SHB: variants seen among roughly 807,000 people sequenced by gnomAD.
SHB encodes SH2 domain-containing adapter protein B.
Under a neutral mutation model 52.3 loss-of-function variants are expected in SHB, and 20 were observed. The observed-to-expected ratio is 0.38, with a 90% CI of 0.27 to 0.56. SHB has a LOEUF of 0.56. SHB is among the 20% of genes least tolerant of loss of function. SHB has a pLI of 0.71. For synonymous variants in SHB, 397 were observed against 316.5 expected (o/e 1.25, Z -2.70); for missense variants, 825 against 723.3 (o/e 1.14, Z -1.61).
At chr9:38,045,433 C>T (rs547009869) in intron 1 of SHB, among the ~76,000 whole-genome samples, 1 of 151,602 alleles carries the variant, frequency 6.6e-6, no homozygotes, top group Non-Finnish European at 1.5e-5. Flanking sequence ...AGACCCCCCC[C>T]ACCCCCAAGT....
chr9:38,021,844 T>C (rs1821285672), intron 1 of SHB, among the ~76,000 whole-genome samples: 1 of 151,964 alleles, frequency 6.6e-6, no homozygotes, highest in East Asian at 1.9e-4. Flanking sequence ...GAATAATGAG[T>C]GTTGAATTAT....
At chr9:38,020,378 A>C (rs1429358681) in intron 1 of SHB, among the ~76,000 whole-genome samples, 1 of 152,214 alleles carries the variant, frequency 6.6e-6, no homozygotes, top group Non-Finnish European at 1.5e-5. Context: ...CTTATCAGGA[A>C]AGCTTGGGAA....
chr9:37,956,141 C>A, intron 3 of SHB, 87 bp from the exon 4 acceptor site: 2 of 1,261,290 alleles, frequency 1.6e-6, no homozygotes, highest in South Asian at 1.4e-5. Flanking sequence ...TTCAGCTGGT[C>A]TAGTTGGCAA....
chr9:37,939,758 C>T (rs115097302), intron 5 of SHB, among the ~76,000 whole-genome samples: 353 of 152,312 alleles, frequency 2.3e-3, no homozygotes, highest in African/African-American at 8.2e-3. Flanking sequence ...GTTGCAATCT[C>T]ATCTCTTTAC....
At chr9:38,023,749 A>ACTTC (rs1471478220) in intron 1 of SHB, among the ~76,000 whole-genome samples, 7 of 152,116 alleles carry the variant, frequency 4.6e-5, no homozygotes, top group African/African-American at 1.7e-4. Flanking sequence ...CTCTCGAGGC[A>ACTTC]CTTCCGCCTG....
intron 1 of SHB, 124 bp downstream of exon 1, chr9:38,067,805 G>A (rs1176520119): frequency 9.0e-6 from 10 of 1,105,624 alleles, no homozygotes; most frequent in Non-Finnish European, 9.6e-6. Flanking sequence ...CAGCACGCCA[G>A]CCCCGACCCA....
chr9:37,977,393 AAGAG>A (rs747915372), intron 2 of SHB, among the ~76,000 whole-genome samples: 1 of 152,168 alleles, frequency 6.6e-6, no homozygotes, highest in African/African-American at 2.4e-5. Context: ...TCTCCCTGGA[AAGAG>A]AGAGAATAAG....
At chr9:37,976,068 C>A (rs899514194) in intron 2 of SHB, among the ~76,000 whole-genome samples, 4 of 152,158 alleles carry the variant, frequency 2.6e-5, no homozygotes, top group African/African-American at 7.2e-5. Context: ...TGGAGTCTTA[C>A]TCTGTTACCC....
chr9:37,996,045 A>G (rs772640740), intron 2 of SHB, among the ~76,000 whole-genome samples: 9 of 152,226 alleles, frequency 5.9e-5, no homozygotes, highest in Non-Finnish European at 1.2e-4. Flanking sequence ...GAAATGTACC[A>G]GGGTGCTTTG....
chr9:37,997,153 T>C (rs1027401230), intron 2 of SHB, among the ~76,000 whole-genome samples: 1 of 152,324 alleles, frequency 6.6e-6, no homozygotes. Context: ...ATCGAACATC[T>C]TGGCAGCCAC....
intron 5 of SHB, among the ~76,000 whole-genome samples, chr9:37,932,761 G>A (rs1832328405): frequency 6.6e-6 from 1 of 152,150 alleles, no homozygotes; most frequent in Non-Finnish European, 1.5e-5. Flanking sequence ...CAACAGGGGT[G>A]TGCCACCATG....
chr9:37,932,082 G>C (rs965103852), intron 5 of SHB, among the ~76,000 whole-genome samples: 10 of 151,914 alleles, frequency 6.6e-5, no homozygotes, highest in Non-Finnish European at 1.5e-4. Context: ...AGGAGTTCGA[G>C]ACCAGCCTGG....
At chr9:37,922,560 C>T (rs970398893) in intron 5 of SHB, among the ~76,000 whole-genome samples, 13 of 152,174 alleles carry the variant, frequency 8.5e-5, no homozygotes, top group Non-Finnish European at 1.6e-4. Flanking sequence ...ACTCCTATCT[C>T]GCCTGTGTAA....
At chr9:38,030,373 A>G (rs1038588526) in intron 1 of SHB, among the ~76,000 whole-genome samples, 1 of 152,178 alleles carries the variant, frequency 6.6e-6, no homozygotes, top group African/African-American at 2.4e-5. Context: ...CCAGGTATAT[A>G]AGAGGCCTCA....
chr9:37,922,765 T>C (rs747575576), intron 5 of SHB, among the ~76,000 whole-genome samples: 4 of 152,188 alleles, frequency 2.6e-5, no homozygotes, highest in Admixed American at 6.5e-5. Context: ...CTGCACCCCG[T>C]GGGTTCCCTG....
At chr9:38,036,262 AC>A (rs2118126810) in intron 1 of SHB, among the ~76,000 whole-genome samples, 1 of 152,256 alleles carries the variant, frequency 6.6e-6, no homozygotes, top group South Asian at 2.1e-4. Context: ...TCCAGACCAA[AC>A]CTCAACGAGG....
At chr9:37,986,436 A>G (rs1820807677) in intron 2 of SHB, among the ~76,000 whole-genome samples, 1 of 152,140 alleles carries the variant, frequency 6.6e-6, no homozygotes, top group Admixed American at 6.5e-5. Flanking sequence ...CTGGGATGCC[A>G]GGACTAGGGG....
At chr9:38,027,265 C>T (rs1821354996) in intron 1 of SHB, among the ~76,000 whole-genome samples, 1 of 152,222 alleles carries the variant, frequency 6.6e-6, no homozygotes, top group African/African-American at 2.4e-5. Flanking sequence ...AATTTCTCAC[C>T]AGCTATGGAG....
chr9:38,027,403 A>G (rs1466154157), intron 1 of SHB, among the ~76,000 whole-genome samples: 1 of 152,192 alleles, frequency 6.6e-6, no homozygotes, highest in Non-Finnish European at 1.5e-5. Flanking sequence ...TGGCATAGGC[A>G]AGGGCACAAG....
Sources: gnomAD v4.1 joint callset for allele counts (sites outside exome capture counted in the v4.1 genomes callset) on GRCh38, gnomAD v4.1.1 for gene constraint, MANE v1.5 for transcripts, NCBI Gene and HGNC (gene_info 2026-07-23, HGNC 2026-07-21) for gene names.